The following RIMKLB variants were observed in gnomAD, a reference collection of about 807,000 sequenced individuals.
The protein encoded by RIMKLB is beta-citrylglutamate synthase B.
RIMKLB carries 7 observed loss-of-function variants against 32.0 expected under a neutral mutation model. That is an observed-to-expected ratio of 0.22 (90% CI 0.12 to 0.41). The LOEUF (loss-of-function observed/expected upper bound fraction) is 0.41, where lower values mean the gene tolerates loss of function less well. Ranked by LOEUF, RIMKLB falls within the 10% of genes least tolerant of loss-of-function variation. RIMKLB has a pLI of 1.00. For synonymous variants in RIMKLB, 172 were observed against 185.1 expected (o/e 0.93, Z 0.57); for missense variants, 289 against 498.7 (o/e 0.58, Z 4.00).
chr12:8,689,585 CTT>C (rs1299069694), intron 1 of RIMKLB, among the ~76,000 whole-genome samples: 9 of 152,170 alleles, frequency 5.9e-5, no homozygotes, highest in Admixed American at 3.3e-4. Flanking sequence ...ATCTGCCTCT[CTT>C]TGTTATTTCT....
intron 2 of RIMKLB, among the ~76,000 whole-genome samples, chr12:8,722,632 C>T (rs918193389): frequency 6.6e-6 from 1 of 152,242 alleles, no homozygotes; most frequent in Non-Finnish European, 1.5e-5. Flanking sequence ...ATGGACTTCT[C>T]TTTAGCTGCT....
chr12:8,691,718 C>T (rs1295412085), intron 1 of RIMKLB, among the ~76,000 whole-genome samples: 1 of 152,212 alleles, frequency 6.6e-6, no homozygotes, highest in Non-Finnish European at 1.5e-5. Flanking sequence ...ACCACATGAA[C>T]TTAGACTACT....
the RIMKLB span, among the ~76,000 whole-genome samples, chr12:8,675,256 A>G: frequency 1.3e-5 from 2 of 152,188 alleles, no homozygotes; most frequent in Non-Finnish European, 2.9e-5. Context: ...ATTTTCTGAA[A>G]CATTAGTCAT....
At chr12:8,680,200 C>G (rs767811567), upstream of RIMKLB, among the ~76,000 whole-genome samples, 7 of 152,184 alleles carry the variant, frequency 4.6e-5, no homozygotes, top group Non-Finnish European at 8.8e-5. Context: ...CTGATGCCCA[C>G]GCTGGAGCGC....
At chr12:8,728,054 T>C (rs1463422750) in intron 2 of RIMKLB, among the ~76,000 whole-genome samples, 4 of 152,210 alleles carry the variant, frequency 2.6e-5, no homozygotes, top group African/African-American at 9.7e-5. Context: ...CTTGAACTTG[T>C]TGTATGCATT....
At chr12:8,779,429 C>T (rs1262930971), downstream of RIMKLB, 2 of 152,106 alleles carry the variant, frequency 1.3e-5, no homozygotes, top group African/African-American at 4.8e-5. Flanking sequence ...TAGGAGCATC[C>T]GTGGGAACGG....
chr12:8,759,025 A>G (rs1949308256), intron 5 of RIMKLB, among the ~76,000 whole-genome samples: 1 of 152,240 alleles, frequency 6.6e-6, no homozygotes, highest in African/African-American at 2.4e-5. Context: ...TCCTGTGAAT[A>G]TGCTTTGCTT....
chr12:8,741,359 CAG>C (rs1000259808), intron 2 of RIMKLB, among the ~76,000 whole-genome samples: 3 of 149,478 alleles, frequency 2.0e-5, no homozygotes, highest in African/African-American at 7.5e-5. Context: ...GCCTGGGCGA[CAG>C]AGCAAGACTC....
chr12:8,718,663 A>G (rs1030148797), intron 2 of RIMKLB, among the ~76,000 whole-genome samples: 4,804 of 115,418 alleles, frequency 0.042, 212 homozygotes, highest in African/African-American at 0.12. Context: ...CTATATATAT[A>G]TATATATGTG....
rs548838302 is a variant in RIMKLB, at chr12:8,775,403, G to C, written c.*1619G>C. On this transcript the variant is annotated 3_prime_UTR_variant, in exon 6 of 6. Transcript: ENST00000535829. ...TGGGTAAAACTAATCCCATTGATGG[G>C]TTTGGATGGTATGTTAAGAAATGGA... 3.9e-4 allele frequency: 380 copies of C among 985,442 alleles called. 1 individual carries two copies. The highest frequency in any genetic ancestry group is 1.1e-3 in the Admixed American group (18 of 16,270). 61.0% of individuals were successfully genotyped at this position (985,442 alleles called of 1,614,324 possible). A position where few individuals can be genotyped will look rare whatever the true frequency, so the allele number is the denominator to read the frequency against.
chr12:8,752,166 G>T, intron 4 of RIMKLB, 123 bp downstream of exon 4: 1 of 652,014 alleles, frequency 1.5e-6, no homozygotes, highest in Non-Finnish European at 2.7e-6. Flanking sequence ...ACTTACAGAA[G>T]GCTACTATGA....
chr12:8,718,665 A>ATGTGTGTGTGTG (rs1168492811), intron 2 of RIMKLB, among the ~76,000 whole-genome samples: 17 of 104,248 alleles, frequency 1.6e-4, no homozygotes, highest in Admixed American at 9.4e-4. Context: ...ATATATATAT[A>ATGTGTGTGTGTG]TATATGTGTG....
At chr12:8,678,084 C>T (rs1025688899), upstream of RIMKLB, among the ~76,000 whole-genome samples, 3 of 151,470 alleles carry the variant, frequency 2.0e-5, no homozygotes, top group Non-Finnish European at 4.4e-5. Context: ...GCTCACAAAC[C>T]CAGCCTTGCC....
intron 5 of RIMKLB, among the ~76,000 whole-genome samples, chr12:8,757,441 G>A (rs1364651578): frequency 6.8e-6 from 1 of 146,874 alleles, no homozygotes. Context: ...GCTGCATTCT[G>A]GCCTAGGTGA....
chr12:8,733,998 G>A (rs1412965427), intron 2 of RIMKLB, among the ~76,000 whole-genome samples: 1 of 152,170 alleles, frequency 6.6e-6, no homozygotes. Flanking sequence ...GGAGGACACT[G>A]TCCTCACCCC....
chr12:8,705,164 T>C (rs1943750687), intron 1 of RIMKLB, among the ~76,000 whole-genome samples: 2 of 152,138 alleles, frequency 1.3e-5, no homozygotes, highest in South Asian at 4.2e-4. Context: ...GTAGTCCAAG[T>C]GTTGAATATA....
In RIMKLB at chr12:8,749,981, G is replaced by A. The variant is rs1442394564; in HGVS notation, c.295G>A (p.Gly99Arg). 6.2e-7 allele frequency: 1 copy of A among 1,613,874 alleles called. No individual in the cohort carries two copies. The highest frequency in any genetic ancestry group is 8.5e-7 in the Non-Finnish European group (1 of 1,179,878). ...TGTTTTGCGCCATCTAGAGAAGATG[G>A]GATGTCGGTTAATGAACCGACCTCA... ...ITVLRHLEKM[G>R]CRLMNRPQAI... The change falls in exon 3 of 6, where the codon GGA becomes AGA. Residue 99 changes from glycine to arginine, a missense_variant. Physicochemically the swap from Gly to Arg is moderately radical, Grantham distance 125. Transcript: ENST00000535829.
At chr12:8,717,351 C>T (rs1251000169) in intron 2 of RIMKLB, among the ~76,000 whole-genome samples, 1 of 152,086 alleles carries the variant, frequency 6.6e-6, no homozygotes, top group Non-Finnish European at 1.5e-5. Context: ...TACACATTAT[C>T]TGTGCAATGT....
chr12:8,682,803 T>TAAAAAAAAA, intron 1 of RIMKLB, among the ~76,000 whole-genome samples: 1 of 132,426 alleles, frequency 7.6e-6, no homozygotes, highest in Non-Finnish European at 1.6e-5. Context: ...ATAAATAAAT[T>TAAAAAAAAA]AAAAAAAAAA....
Sources: gnomAD v4.1 joint callset for allele counts (sites outside exome capture counted in the v4.1 genomes callset) on GRCh38, gnomAD v4.1.1 for gene constraint, MANE v1.5 for transcripts, NCBI Gene and HGNC (gene_info 2026-07-23, HGNC 2026-07-21) for gene names.